Variants in ROBO2 observed in about 807,000 individuals in gnomAD.
The protein encoded by ROBO2 is roundabout guidance receptor 2.
Under a neutral mutation model 160.8 loss-of-function variants are expected in ROBO2, and 53 were observed. The ratio of observed to expected loss-of-function variants is 0.33; its 90% CI spans 0.26 to 0.41. The LOEUF (loss-of-function observed/expected upper bound fraction) is 0.41. Among genes scored for constraint, ROBO2 ranks in the 10% least tolerant of loss-of-function variants. ROBO2 has a pLI of 1.00. For missense variants in ROBO2, 1,577 were observed against 1,722.4 expected, an observed-to-expected ratio of 0.92 and a Z score of 1.49; for synonymous variants, 664 against 611.7, an observed-to-expected ratio of 1.09 and a Z score of -1.26.
intron 2 of ROBO2, among the ~76,000 whole-genome samples, chr3:76,022,085 C>A (rs116569506): frequency 0.014 from 2,171 of 151,820 alleles, 55 homozygotes; most frequent in African/African-American, 0.05. Flanking sequence ...GGAGTAGTTT[C>A]TATCTCAAGG....
At chr3:76,195,402 A>G (rs1186754091) in intron 2 of ROBO2, among the ~76,000 whole-genome samples, 2 of 152,206 alleles carry the variant, frequency 1.3e-5, no homozygotes, top group Non-Finnish European at 2.9e-5. Context: ...TTATTTATGG[A>G]ATTACATTAG....
At chr3:76,499,143 C>T (rs927046538) in intron 2 of ROBO2, among the ~76,000 whole-genome samples, 11 of 152,136 alleles carry the variant, frequency 7.2e-5, no homozygotes, top group African/African-American at 2.7e-4. Flanking sequence ...AAGATGCTAC[C>T]ACTGATCTCA....
rs1559609331 is a variant in ROBO2 at position 77,558,106 on chromosome 3, C to G, written c.1394C>G (p.Ala465Gly). The G allele has an allele frequency of 6.2e-6, 10 of 1,612,950 alleles. No individual in the cohort carries two copies. Among genetic ancestry groups the G allele is most frequent in the Non-Finnish European group, 8.5e-6 (10 of 1,179,330 alleles). Residue 465 changes from alanine to glycine, a missense_variant, in exon 9 of 26, where the codon GCA (alanine) becomes GGA (glycine). Ala to Gly is a moderately conservative substitution (Grantham distance 60). Around this residue, in one of 2 missense-constraint regions of ROBO2, gnomAD observed 940 missense variants for 1,135.5 expected, o/e 0.83. Coordinates refer to ENST00000461745, the Ensembl canonical transcript of ROBO2. ...ACTTTTCCGGGTAGAGATCCAAGAG[C>G]AACAATTCAAGAGCAAGGCACACTG...
chr3:77,347,302 A>G (rs2067764422), intron 2 of ROBO2, among the ~76,000 whole-genome samples: 1 of 152,242 alleles, frequency 6.6e-6, no homozygotes, highest in East Asian at 1.9e-4. Context: ...CCAAAACAAT[A>G]CGAATTAAAT....
rs201466987 is a variant in ROBO2, at chr3:76,328,908, T to TTATATATA, written c.109+391322_109+391329dup. Among the ~76,000 whole-genome samples the TTATATATA allele has an allele frequency of 7.9e-3, 1,077 of 135,946 alleles. 8 individuals are homozygous for TTATATATA. The highest frequency in any genetic ancestry group is 0.03 in the East Asian group (145 of 4,808). 89.2% of individuals were successfully genotyped at this position (135,946 alleles called of 152,430 possible). ...AATATATATATATATATTTATGTTA[T>TTATATATA]TATATATATATATATATATATATGT... On this transcript the variant is annotated intron_variant, in intron 2 of 26. Coordinates refer to the ROBO2 transcript ENST00000487694.
chr3:76,182,336 C>T (rs974081226), intron 2 of ROBO2, among the ~76,000 whole-genome samples: 9 of 152,018 alleles, frequency 5.9e-5, no homozygotes, highest in East Asian at 5.8e-4. Context: ...ACTGGAAATA[C>T]GTTTTTCTCC....
At chr3:76,246,125 G>GT (rs913044457) in intron 2 of ROBO2, among the ~76,000 whole-genome samples, 26 of 149,798 alleles carry the variant, frequency 1.7e-4, no homozygotes, top group South Asian at 1.1e-3. Flanking sequence ...TAGTGAAGAA[G>GT]TTTTTTTTTT....
chr3:76,625,498 T>G (rs1353497531), intron 2 of ROBO2, among the ~76,000 whole-genome samples: 1 of 151,926 alleles, frequency 6.6e-6, no homozygotes, highest in African/African-American at 2.4e-5. Context: ...AAATATGTTT[T>G]GAATTCGGTG....
At position 76,036,773 on chromosome 3, in the gene ROBO2, G is replaced by A. The variant is rs539418864; in HGVS notation, c.109+99171G>A. 3.8e-4 allele frequency among the ~76,000 whole-genome samples: 58 copies of A among 152,054 alleles called. 2 individuals carry two copies. Among genetic ancestry groups the A allele is most frequent in the African/African-American group, 1.4e-3 (56 of 41,358 alleles). The stretch of plus-strand genomic sequence containing the variant: ...CCCACCTCGGCCTCCCAAAGTGCTG[G>A]GATTACAGGCATGAGCCACTGTGCC... On this transcript the variant is annotated intron_variant, in intron 2 of 26. Coordinates refer to the ROBO2 transcript ENST00000487694.
At chr3:76,774,954 G>A (rs2062149770) in intron 2 of ROBO2, among the ~76,000 whole-genome samples, 2 of 150,522 alleles carry the variant, frequency 1.3e-5, no homozygotes, top group Admixed American at 1.3e-4. Flanking sequence ...TCATCTGAAG[G>A]AGTTTTGGGA....
intron 2 of ROBO2, among the ~76,000 whole-genome samples, chr3:77,387,911 A>G (rs937290256): frequency 6.6e-6 from 1 of 152,038 alleles, no homozygotes. Flanking sequence ...CCCTTCAAAT[A>G]TCGAAGCCGT....
At chr3:76,497,748 A>G (rs1271456409) in intron 2 of ROBO2, among the ~76,000 whole-genome samples, 1 of 152,226 alleles carries the variant, frequency 6.6e-6, no homozygotes, top group Non-Finnish European at 1.5e-5. Context: ...AGGTGTTCAC[A>G]GAAAAGACTC....
At chr3:76,324,937 T>A (rs1026122033) in intron 2 of ROBO2, among the ~76,000 whole-genome samples, 3 of 152,136 alleles carry the variant, frequency 2.0e-5, no homozygotes, top group African/African-American at 7.2e-5. Context: ...AAACCCCGTC[T>A]CTAATAAAAA....
rs540264253 is a variant in ROBO2, at chr3:76,994,890, A to G, written c.110-103124A>G. On this transcript the variant is annotated intron_variant, in intron 2 of 26. Transcript: ENST00000487694. Reference sequence around the variant, plus strand: ...TCAAAGTTGGAAAAACCTTATGTTAATATTGTTACTTTTTTCATTAATTTG... The same window carrying G: ...TCAAAGTTGGAAAAACCTTATGTTAGTATTGTTACTTTTTTCATTAATTTG... Among the ~76,000 whole-genome samples, 72 of 152,324 alleles carry G rather than the reference A, an allele frequency of 4.7e-4. 1 individual carries two copies. The highest frequency in any genetic ancestry group is 1.7e-3 in the African/African-American group (70 of 41,582).
intron 2 of ROBO2, among the ~76,000 whole-genome samples, chr3:76,664,234 G>T (rs1268535023): frequency 1.3e-5 from 2 of 152,122 alleles, no homozygotes; most frequent in African/African-American, 4.8e-5. Flanking sequence ...AAAGATGAAG[G>T]TCTGATGTTG....
chr3:76,963,114 G>A (rs2079792613), intron 2 of ROBO2, among the ~76,000 whole-genome samples: 1 of 150,774 alleles, frequency 6.6e-6, no homozygotes, highest in Non-Finnish European at 1.5e-5. Flanking sequence ...ATTAATCTCT[G>A]GAAATTGGAG....
At chr3:76,444,389 G>A (rs1243094349) in intron 2 of ROBO2, among the ~76,000 whole-genome samples, 1 of 152,068 alleles carries the variant, frequency 6.6e-6, no homozygotes, top group East Asian at 1.9e-4. Flanking sequence ...TTTTCCAAAA[G>A]GTTTGTATTA....
intron 2 of ROBO2, among the ~76,000 whole-genome samples, chr3:77,194,948 G>A (rs2082183346): frequency 6.6e-6 from 1 of 151,848 alleles, no homozygotes; most frequent in Admixed American, 6.6e-5. Context: ...ATATTACATG[G>A]CTCTTGGAAG....
At position 77,569,583 on chromosome 3, in the gene ROBO2, G is replaced by A. The variant is rs2153666922; in HGVS notation, c.1971+1149G>A. On this transcript the variant is annotated intron_variant, in intron 13 of 25. Coordinates refer to ENST00000461745, the Ensembl canonical transcript of ROBO2. ...TTGTCTTCTTATTATAGACTTATAA[G>A]TGTCTATATAGTCTAGATACAAATG... is the stretch of plus-strand genomic sequence containing the variant. Among the ~76,000 whole-genome samples, 2 of 151,904 alleles carry A rather than the reference G, an allele frequency of 1.3e-5. 1 individual carries two copies. Among genetic ancestry groups the A allele is most frequent in the South Asian group, 4.2e-4 (2 of 4,818 alleles).
Sources: gnomAD v4.1 joint callset for allele counts (sites outside exome capture counted in the v4.1 genomes callset) on GRCh38, gnomAD v4.1.1 for gene constraint, gnomAD v4.1.1 regional missense constraint, MANE v1.5 for transcripts, NCBI Gene and HGNC (gene_info 2026-07-23, HGNC 2026-07-21) for gene names.